Variants in CHST11 observed in about 807,000 individuals in gnomAD.
The protein encoded by CHST11 is carbohydrate sulfotransferase 11.
Under a neutral mutation model 30.4 loss-of-function variants are expected in CHST11, and 9 were observed. The observed-to-expected ratio is 0.30, with a 90% CI of 0.18 to 0.52. The LOEUF is 0.52. Among genes scored for constraint, CHST11 ranks in the 20% least tolerant of loss-of-function variants. The pLI, the probability that CHST11 is intolerant of heterozygous loss-of-function variation, is 0.97. For synonymous variants in CHST11, 152 were observed against 187.8 expected (o/e 0.81, Z 1.56); for missense variants, 348 against 460.6 (o/e 0.76, Z 2.24).
intron 1 of CHST11, among the ~76,000 whole-genome samples, chr12:104,546,982 T>C (rs955390754): frequency 3.3e-5 from 5 of 152,224 alleles, no homozygotes; most frequent in Admixed American, 2.6e-4. Flanking sequence ...TTTCTGATTC[T>C]GACAGAAACC....
At chr12:104,545,745 G>A (rs2038340486) in intron 1 of CHST11, among the ~76,000 whole-genome samples, 1 of 152,188 alleles carries the variant, frequency 6.6e-6, no homozygotes, top group Non-Finnish European at 1.5e-5. Context: ...TTCTGGGTTT[G>A]CAGATGGCTA....
At chr12:104,561,971 C>T (rs1005903918) in intron 1 of CHST11, among the ~76,000 whole-genome samples, 1 of 152,006 alleles carries the variant, frequency 6.6e-6, no homozygotes, top group Non-Finnish European at 1.5e-5. Flanking sequence ...GGGATTGGAA[C>T]TTGGGAATGC....
chr12:104,469,170 G>A (rs1291754350), intron 1 of CHST11, among the ~76,000 whole-genome samples: 3 of 152,102 alleles, frequency 2.0e-5, no homozygotes, highest in Non-Finnish European at 4.4e-5. Context: ...TTACTGAAAG[G>A]ATCTGACTTC....
chr12:104,528,516 C>T (rs906816939), intron 1 of CHST11, among the ~76,000 whole-genome samples: 14 of 152,168 alleles, frequency 9.2e-5, no homozygotes, highest in African/African-American at 3.4e-4. Context: ...TTCAGTAGAA[C>T]CATCATGAGT....
At chr12:104,575,193 A>C (rs76289561) in intron 1 of CHST11, among the ~76,000 whole-genome samples, 2 of 138,552 alleles carry the variant, frequency 1.4e-5, no homozygotes, top group Non-Finnish European at 3.1e-5. Context: ...ATCCTGTCTC[A>C]AAAAAAAAAA....
intron 2 of CHST11, among the ~76,000 whole-genome samples, chr12:104,704,634 A>G (rs1460926840): frequency 6.6e-6 from 1 of 152,194 alleles, no homozygotes. Context: ...TTTCCAGGGC[A>G]TAAAAACCTT....
At chr12:104,618,107 C>G (rs1282033391) in intron 2 of CHST11, among the ~76,000 whole-genome samples, 1 of 151,922 alleles carries the variant, frequency 6.6e-6, no homozygotes, top group South Asian at 2.1e-4. Context: ...CGGGTTTTCA[C>G]CACGTTGGCC....
At chr12:104,677,116 G>C (rs1376779030) in intron 2 of CHST11, among the ~76,000 whole-genome samples, 1 of 152,186 alleles carries the variant, frequency 6.6e-6, no homozygotes, top group Admixed American at 6.5e-5. Flanking sequence ...AGCACAAAAT[G>C]AAGTAATGTG....
At chr12:104,463,064 G>T (rs1252969462) in intron 1 of CHST11, among the ~76,000 whole-genome samples, 1 of 152,140 alleles carries the variant, frequency 6.6e-6, no homozygotes, top group Non-Finnish European at 1.5e-5. Flanking sequence ...CTGGTTGAAA[G>T]ATCATTTTGT....
intron 1 of CHST11, among the ~76,000 whole-genome samples, chr12:104,507,677 G>T (rs1409143524): frequency 6.6e-6 from 1 of 152,166 alleles, no homozygotes; most frequent in East Asian, 1.9e-4. Context: ...TGTCTGGATG[G>T]CTTTGGCTGA....
At position 104,706,243 on chromosome 12, in the gene CHST11, G is replaced by A. The variant is rs182581712; in HGVS notation, c.205-50706G>A. Among the ~76,000 whole-genome samples, 4 of 151,788 alleles carry A rather than the reference G, an allele frequency of 2.6e-5. No individual in the cohort carries two copies. The South Asian group carries it at 6.2e-4, about 24-fold the overall frequency. ...TATTAAAAATACAAAAATTAGCCAG[G>A]TGTGGTAGCGCATGCCTGTAATCCC... On this transcript the variant is annotated intron_variant, in intron 2 of 2. Transcript: ENST00000303694.
In CHST11 at chr12:104,653,974, C is replaced by A. The variant is rs569185560; in HGVS notation, c.204+51983C>A. 3.9e-5 allele frequency among the ~76,000 whole-genome samples: 6 copies of A among 152,316 alleles called. No homozygotes were observed. The East Asian group carries it at 1.2e-3, about 29-fold the overall frequency. On this transcript the variant is annotated intron_variant, in intron 2 of 2. Coordinates refer to ENST00000303694, the MANE Select transcript of CHST11 (RefSeq NM_018413.6). ...GGTAGTAAAACGTCCCCGACACCACCTCTGCCCCATGGTCTCGAGCAAGCC... is the reference window on the plus strand; with the variant it reads ...GGTAGTAAAACGTCCCCGACACCACATCTGCCCCATGGTCTCGAGCAAGCC...
chr12:104,735,064 T>C (rs1486419422), intron 2 of CHST11, among the ~76,000 whole-genome samples: 1 of 152,168 alleles, frequency 6.6e-6, no homozygotes, highest in Non-Finnish European at 1.5e-5. Context: ...GATTCCAGGA[T>C]GAGCAAGGCA....
intron 1 of CHST11, among the ~76,000 whole-genome samples, chr12:104,540,309 AT>A (rs1181696340): frequency 1.3e-5 from 2 of 152,312 alleles, no homozygotes; most frequent in Non-Finnish European, 2.9e-5. Context: ...TATATTTAAA[AT>A]TTTTAAAATT....
At chr12:104,482,397 A>G (rs2037634546) in intron 1 of CHST11, among the ~76,000 whole-genome samples, 1 of 150,050 alleles carries the variant, frequency 6.7e-6, no homozygotes, top group South Asian at 2.2e-4. Context: ...GCTGGTGTTT[A>G]CTTCTTTTAA....
chr12:104,577,234 ATTTTTTTTTTTTTT>A (rs34967812), intron 1 of CHST11, among the ~76,000 whole-genome samples: 1 of 74,218 alleles, frequency 1.3e-5, no homozygotes, highest in Admixed American at 1.7e-4. Flanking sequence ...GCAGCCCTTC[ATTTTTTTTTTTTTT>A]TTTTTTTTTT....
At chr12:104,614,845 G>A (rs545042769) in intron 2 of CHST11, among the ~76,000 whole-genome samples, 1 of 152,172 alleles carries the variant, frequency 6.6e-6, no homozygotes, top group Admixed American at 6.5e-5. Flanking sequence ...GGGGAGAGGG[G>A]AGAAAGGAGA....
chr12:104,637,529 G>A (rs1260272808), intron 2 of CHST11, among the ~76,000 whole-genome samples: 1 of 151,948 alleles, frequency 6.6e-6, no homozygotes, highest in Non-Finnish European at 1.5e-5. Context: ...GCTACAAAAT[G>A]CCCAGCCTGT....
At chr12:104,609,003 A>G (rs1354065218) in intron 2 of CHST11, among the ~76,000 whole-genome samples, 2 of 152,252 alleles carry the variant, frequency 1.3e-5, no homozygotes, top group Non-Finnish European at 2.9e-5. Context: ...CGTCAGATGG[A>G]CATTTCTGAA....
Sources: allele counts gnomAD v4.1 joint callset (sites outside exome capture counted in the v4.1 genomes callset), GRCh38; gene constraint gnomAD v4.1.1; transcripts MANE v1.5; gene names NCBI Gene and HGNC (gene_info 2026-07-23, HGNC 2026-07-21).